Variants in ESRRG observed in about 807,000 individuals in gnomAD.
ESRRG encodes estrogen related receptor gamma.
Under a neutral mutation model 44.0 loss-of-function variants are expected in ESRRG, and 13 were observed. That is an observed-to-expected ratio of 0.30 (90% CI 0.19 to 0.47). ESRRG has a LOEUF of 0.47. Among genes scored for constraint, ESRRG ranks in the 20% least tolerant of loss-of-function variants. ESRRG has a pLI of 1.00. For missense variants in ESRRG, 395 were observed against 580.6 expected, an observed-to-expected ratio of 0.68 and a Z score of 3.29; for synonymous variants, 215 against 214.6, an observed-to-expected ratio of 1.00 and a Z score of -0.02.
At chr1:216,688,332 G>C (rs2078408792) in intron 1 of ESRRG, among the ~76,000 whole-genome samples, 2 of 152,214 alleles carry the variant, frequency 1.3e-5, no homozygotes, top group Non-Finnish European at 2.9e-5. Context: ...CGTCTATCAA[G>C]TGCACGAACG....
chr1:216,589,605 C>T (rs1394360540), intron 3 of ESRRG, among the ~76,000 whole-genome samples: 1 of 151,772 alleles, frequency 6.6e-6, no homozygotes, highest in African/African-American at 2.4e-5. Flanking sequence ...ACTACTGTAC[C>T]ATCCAAACTA....
intron 6 of ESRRG, among the ~76,000 whole-genome samples, chr1:216,508,218 T>C (rs565903151): frequency 1.3e-5 from 2 of 152,238 alleles, no homozygotes; most frequent in Non-Finnish European, 2.9e-5. Context: ...TAAAATCAAG[T>C]GGCTAAATAT....
chr1:216,567,951 C>G, intron 4 of ESRRG, 37 bp downstream of exon 4: 4 of 1,375,312 alleles, frequency 2.9e-6, no homozygotes, highest in Non-Finnish European at 3.1e-6. Flanking sequence ...GGGAGGATTT[C>G]GTGTTCTGGG....
intron 5 of ESRRG, among the ~76,000 whole-genome samples, chr1:216,535,978 C>T (rs916433224): frequency 2.6e-5 from 4 of 152,106 alleles, no homozygotes; most frequent in African/African-American, 9.7e-5. Context: ...GACCTAATTG[C>T]CCCATCCCAT....
intron 2 of ESRRG, among the ~76,000 whole-genome samples, chr1:216,737,674 G>A (rs968218169): frequency 1.3e-5 from 2 of 151,952 alleles, no homozygotes; most frequent in African/African-American, 4.8e-5. Context: ...AGATGGCCTC[G>A]TCTTAATCCT....
At chr1:216,938,554 C>T (rs969307896) in intron 2 of ESRRG, among the ~76,000 whole-genome samples, 4 of 152,116 alleles carry the variant, frequency 2.6e-5, no homozygotes, top group African/African-American at 9.7e-5. Context: ...AACCTGGGTG[C>T]CATGAAAAAG....
intron 2 of ESRRG, among the ~76,000 whole-genome samples, chr1:216,838,723 G>T (rs1213059747): frequency 6.6e-6 from 1 of 152,188 alleles, no homozygotes; most frequent in African/African-American, 2.4e-5. Flanking sequence ...AGTCAAGTGA[G>T]TTACAGGAAT....
intron 4 of ESRRG, among the ~76,000 whole-genome samples, chr1:216,566,255 G>A (rs2059667148): frequency 1.3e-5 from 2 of 152,192 alleles, no homozygotes; most frequent in South Asian, 4.1e-4. Context: ...CTCAGGCACA[G>A]TCTCTTGACA....
At chr1:217,056,422 A>G (rs2087105111) in intron 1 of ESRRG, among the ~76,000 whole-genome samples, 1 of 152,058 alleles carries the variant, frequency 6.6e-6, no homozygotes. Context: ...TTATTAAAGG[A>G]AAGAATTTAT....
chr1:216,754,352 G>A lies in ESRRG; in HGVS notation c.-13-76861C>T, dbSNP rs117093813. Reference sequence around the variant, plus strand: ...TTTTACAAAAGAACAGAAGTATCTCGAACTTTCACTCTAGAGTCCCGTATC... The same window carrying A: ...TTTTACAAAAGAACAGAAGTATCTCAAACTTTCACTCTAGAGTCCCGTATC... On this transcript the variant is annotated intron_variant, in intron 2 of 7. Transcript: ENST00000359162. 8.2e-4 allele frequency among the ~76,000 whole-genome samples: 125 copies of A among 152,066 alleles called. No homozygotes were observed. In the East Asian group the frequency reaches 0.02, roughly 24 times the overall value.
chr1:216,870,025 G>C (rs1421316829), intron 2 of ESRRG, among the ~76,000 whole-genome samples: 1 of 151,844 alleles, frequency 6.6e-6, no homozygotes, highest in African/African-American at 2.4e-5. Context: ...GTACAATATT[G>C]AATAGAAGTT....
intron 1 of ESRRG, among the ~76,000 whole-genome samples, chr1:216,952,325 C>A (rs1035699660): frequency 6.6e-6 from 1 of 152,082 alleles, no homozygotes; most frequent in Admixed American, 6.6e-5. Context: ...GAGATAGTGG[C>A]CCTCATAGCT....
In ESRRG at chr1:216,876,976, ATGTGTGTG is replaced by A. The variant is rs61039286; in HGVS notation, c.-14+62598_-14+62605del. On this transcript the variant is annotated intron_variant, in intron 2 of 7. Transcript: ENST00000359162. ...GTCTGATTCGAGAATCTCTTCACTA[ATGTGTGTG>A]TGTGTGTGTGTGTGTGTGTGTGTGT... 1.2e-3 allele frequency among the ~76,000 whole-genome samples: 179 copies of A among 145,470 alleles called. 1 individual carries two copies. The highest frequency in any genetic ancestry group is 3.9e-3 in the African/African-American group (156 of 39,516).
chr1:216,946,641 C>A (rs1416760972), intron 1 of ESRRG, among the ~76,000 whole-genome samples: 1 of 152,150 alleles, frequency 6.6e-6, no homozygotes, highest in African/African-American at 2.4e-5. Flanking sequence ...AAGATCTGAG[C>A]ATCCATTTAA....
intron 4 of ESRRG, among the ~76,000 whole-genome samples, chr1:216,566,817 T>A (rs1314500801): frequency 6.6e-6 from 1 of 152,174 alleles, no homozygotes; most frequent in Non-Finnish European, 1.5e-5. Flanking sequence ...ATAATCAACA[T>A]AATGTTTTTT....
At chr1:216,799,573 A>G (rs921431192) in intron 2 of ESRRG, among the ~76,000 whole-genome samples, 1 of 152,166 alleles carries the variant, frequency 6.6e-6, no homozygotes, top group African/African-American at 2.4e-5. Context: ...AGAAGTTATG[A>G]ATGGTTTCTC....
chr1:216,647,297 A>T (rs2150999384), intron 3 of ESRRG, among the ~76,000 whole-genome samples: 1 of 152,250 alleles, frequency 6.6e-6, no homozygotes, highest in African/African-American at 2.4e-5. Flanking sequence ...CTGGCCCATC[A>T]TTTGTGACAC....
At chr1:216,549,475 T>A (rs2055594957) in intron 5 of ESRRG, among the ~76,000 whole-genome samples, 1 of 152,080 alleles carries the variant, frequency 6.6e-6, no homozygotes, top group Admixed American at 6.6e-5. Context: ...GGGACAAGTG[T>A]CACAGGTCAT....
At chr1:217,087,896 C>T (rs1023270848) in intron 1 of ESRRG, among the ~76,000 whole-genome samples, 8 of 152,154 alleles carry the variant, frequency 5.3e-5, no homozygotes, top group Non-Finnish European at 8.8e-5. Context: ...AATGTCACTT[C>T]GTCTCCATCA....
Sources: allele counts gnomAD v4.1 joint callset (sites outside exome capture counted in the v4.1 genomes callset), GRCh38; gene constraint gnomAD v4.1.1; transcripts MANE v1.5; gene names NCBI Gene and HGNC (gene_info 2026-07-23, HGNC 2026-07-21).